Variants in ARFGEF2 observed in about 807,000 individuals in gnomAD.
ARFGEF2 encodes ARF guanine nucleotide exchange factor 2, also known as brefeldin A-inhibited guanine nucleotide-exchange protein 2.
Under a neutral mutation model 219.9 loss-of-function variants are expected in ARFGEF2, and 74 were observed. The ratio of observed to expected loss-of-function variants is 0.34; its 90% CI spans 0.28 to 0.41. The LOEUF (loss-of-function observed/expected upper bound fraction) is 0.41. Ranked by LOEUF, ARFGEF2 falls within the 10% of genes least tolerant of loss-of-function variation. ARFGEF2 has a pLI of 1.00. For missense variants in ARFGEF2, 1,743 were observed against 2,218.3 expected (o/e 0.79, Z 4.30); for synonymous variants, 733 against 799.2 (o/e 0.92, Z 1.40).
intron 33 of ARFGEF2, among the ~76,000 whole-genome samples, chr20:49,017,763 C>G (rs966906194): frequency 6.6e-6 from 1 of 152,158 alleles, no homozygotes; most frequent in Non-Finnish European, 1.5e-5. Context: ...GTTTACATTT[C>G]TAGCTGCCGC....
At chr20:49,015,671 C>T (rs1295605003) in intron 30 of ARFGEF2, among the ~76,000 whole-genome samples, 1 of 152,232 alleles carries the variant, frequency 6.6e-6, no homozygotes, top group African/African-American at 2.4e-5. Context: ...TAGCCATTTA[C>T]ACTTCTGTCA....
chr20:48,979,811 C>T (rs1323643777), intron 14 of ARFGEF2, among the ~76,000 whole-genome samples: 14 of 152,168 alleles, frequency 9.2e-5, no homozygotes, highest in South Asian at 8.3e-4. Context: ...TCTGTGGGAT[C>T]GGTGGTGATA....
chr20:48,957,800 TGCTGGTATTCGG>T (rs1372865083), intron 6 of ARFGEF2, among the ~76,000 whole-genome samples: 1 of 152,198 alleles, frequency 6.6e-6, no homozygotes. Flanking sequence ...AGGAACCTTC[TGCTGGTATTCGG>T]GCTTTCTGAC....
chr20:48,930,658 G>T (rs916837105), intron 1 of ARFGEF2, among the ~76,000 whole-genome samples: 1 of 152,212 alleles, frequency 6.6e-6, no homozygotes, highest in South Asian at 2.1e-4. Flanking sequence ...GGACTTGGAT[G>T]TGTGGAGTTT....
Position 49,018,903 on chromosome 20 carries a change from A to G in ARFGEF2, c.4529A>G (p.Gln1510Arg), listed in dbSNP as rs369465543. 45 of 1,613,848 alleles carry G rather than the reference A, an allele frequency of 2.8e-5. No individual in the cohort carries two copies. The highest frequency in any genetic ancestry group is 6.7e-5 in the Admixed American group (4 of 59,996). ...ATTTAGGATGTGGATCTGGACCGCC[A>G]GTCTTTAAGCAGCATAGATAAAAAT... is the stretch of plus-strand genomic sequence containing the variant. ...EKHLDVDLDRQSLSSIDKNPS... is the reference protein window; with the variant it reads ...EKHLDVDLDRRSLSSIDKNPS... The change falls in exon 34 of 39, where the codon CAG becomes CGG. Residue 1510 changes from glutamine (Q) to arginine (R), a missense_variant. Coordinates refer to ENST00000371917, the MANE Select transcript of ARFGEF2 (RefSeq NM_006420.3).
At chr20:48,949,542 A>G (rs1422757524) in intron 3 of ARFGEF2, among the ~76,000 whole-genome samples, 1 of 152,194 alleles carries the variant, frequency 6.6e-6, no homozygotes, top group Non-Finnish European at 1.5e-5. Context: ...CTTGAGCAGC[A>G]GAGTGTACGC....
At chr20:48,987,611 A>G (rs1022662152) in intron 16 of ARFGEF2, among the ~76,000 whole-genome samples, 1 of 152,142 alleles carries the variant, frequency 6.6e-6, no homozygotes, top group South Asian at 2.1e-4. Flanking sequence ...TGGGGGAGGC[A>G]CTCAAGCGCT....
At chr20:48,939,314 C>G (rs2090980032) in intron 1 of ARFGEF2, among the ~76,000 whole-genome samples, 1 of 152,032 alleles carries the variant, frequency 6.6e-6, no homozygotes, top group Admixed American at 6.6e-5. Context: ...AGCTCACAGC[C>G]CAGCACCAAT....
At chr20:48,940,930 A>G (rs186802460) in intron 1 of ARFGEF2, among the ~76,000 whole-genome samples, 20 of 152,302 alleles carry the variant, frequency 1.3e-4, no homozygotes, top group Admixed American at 3.9e-4. Context: ...TCTAAATGAG[A>G]TGGATATAAT....
intron 7 of ARFGEF2, among the ~76,000 whole-genome samples, chr20:48,965,654 C>T (rs1004895106): frequency 6.6e-6 from 1 of 152,180 alleles, no homozygotes; most frequent in African/African-American, 2.4e-5. Context: ...ATTGCTGTGG[C>T]CCTGGCAGTG....
At chr20:49,022,480 G>T (rs1424063067) in intron 34 of ARFGEF2, among the ~76,000 whole-genome samples, 1 of 152,042 alleles carries the variant, frequency 6.6e-6, no homozygotes, top group Non-Finnish European at 1.5e-5. Context: ...GCTGGCTACT[G>T]CAGGAACCTG....
intron 25 of ARFGEF2, among the ~76,000 whole-genome samples, chr20:49,001,958 C>T (rs966593776): frequency 6.6e-6 from 1 of 152,182 alleles, no homozygotes; most frequent in Non-Finnish European, 1.5e-5. Context: ...ATAAAATACA[C>T]ATAACAGGCC....
intron 28 of ARFGEF2, among the ~76,000 whole-genome samples, 179 bp from the exon 29 acceptor site, chr20:49,013,385 T>C (rs565577853): frequency 2.0e-5 from 3 of 152,086 alleles, no homozygotes; most frequent in African/African-American, 7.2e-5. Context: ...ACTGGGAAAC[T>C]GCTCATATGC....
intron 36 of ARFGEF2, among the ~76,000 whole-genome samples, chr20:49,027,659 G>A (rs2091611437): frequency 6.6e-6 from 1 of 152,020 alleles, no homozygotes; most frequent in Non-Finnish European, 1.5e-5. Context: ...TTGTGTCACT[G>A]CACTCCAGCC....
intron 1 of ARFGEF2, among the ~76,000 whole-genome samples, chr20:48,932,937 T>G (rs887186680): frequency 2.0e-5 from 3 of 152,062 alleles, no homozygotes; most frequent in South Asian, 2.1e-4. Context: ...AGGGTTACTG[T>G]GGGATCTGGG....
intron 1 of ARFGEF2, among the ~76,000 whole-genome samples, chr20:48,933,408 T>A (rs1159787331): frequency 6.7e-6 from 1 of 149,644 alleles, no homozygotes; most frequent in East Asian, 2.0e-4. Flanking sequence ...TGGCTTAACC[T>A]CCCTGTGCTC....
At chr20:48,993,453 C>T (rs1045300227) in intron 21 of ARFGEF2, among the ~76,000 whole-genome samples, 1 of 152,208 alleles carries the variant, frequency 6.6e-6, no homozygotes, top group African/African-American at 2.4e-5. Flanking sequence ...AAGTCTATTT[C>T]TCAGTCAAGA....
chr20:49,016,167 C>T lies in ARFGEF2; in HGVS notation c.4180-113C>T, dbSNP rs2091528491. 12 of 1,084,822 alleles carry T rather than the reference C, an allele frequency of 1.1e-5. No homozygotes were observed. The South Asian group carries it at 1.6e-4, about 14-fold the overall frequency. The allele number at this position is 1,084,822 out of a possible 1,614,324, so 67.2% of individuals were successfully genotyped here. ...TGTATTAACATTTTTAAGACGTATT[C>T]TTGATACATATCACCAAATTGCTTT... is the stretch of plus-strand genomic sequence containing the variant. On this transcript the variant is annotated intron_variant, in intron 30 of 38. Coordinates refer to ENST00000371917, the MANE Select transcript of ARFGEF2 (RefSeq NM_006420.3).
At chr20:48,923,127 A>G (rs1600577658) in intron 1 of ARFGEF2, among the ~76,000 whole-genome samples, 1 of 152,126 alleles carries the variant, frequency 6.6e-6, no homozygotes, top group African/African-American at 2.4e-5. Flanking sequence ...AGAACTATCC[A>G]CCATATGGAG....
Sources: gnomAD v4.1 joint callset for allele counts (sites outside exome capture counted in the v4.1 genomes callset) on GRCh38, gnomAD v4.1.1 for gene constraint, MANE v1.5 for transcripts, NCBI Gene and HGNC (gene_info 2026-07-23, HGNC 2026-07-21) for gene names.